GK5: variants seen among roughly 807,000 people sequenced by gnomAD.
GK5 encodes ATP:glycerol 3-phosphotransferase 5.
In GK5, 39 loss-of-function variants were observed where a neutral mutation model predicts 77.3. That is an observed-to-expected ratio of 0.50 (90% CI 0.39 to 0.66). The LOEUF is 0.66. Among genes scored for constraint, GK5 ranks in the 30% least tolerant of loss-of-function variants. The pLI is 0.00. For missense variants in GK5, 487 were observed against 633.8 expected, an observed-to-expected ratio of 0.77 and a Z score of 2.49; for synonymous variants, 211 against 208.0, an observed-to-expected ratio of 1.01 and a Z score of -0.13.
At chr3:142,215,575 T>G in intron 2 of GK5, 24 bp downstream of exon 2, 1 of 1,246,836 alleles carries the variant, frequency 8.0e-7, no homozygotes, top group Non-Finnish European at 1.1e-6. Flanking sequence ...TAAAGATTAT[T>G]GTTATTTTTA....
chr3:142,180,114 A>T (rs2063672842), intron 11 of GK5, among the ~76,000 whole-genome samples: 1 of 152,116 alleles, frequency 6.6e-6, no homozygotes, highest in African/African-American at 2.4e-5. Flanking sequence ...TAGCACAGGC[A>T]CATAAAACTG....
At chr3:142,209,229 A>C (rs1404642667) in intron 3 of GK5, among the ~76,000 whole-genome samples, 1 of 152,196 alleles carries the variant, frequency 6.6e-6, no homozygotes, top group Non-Finnish European at 1.5e-5. Context: ...TGAAGGCTTC[A>C]GAAATGGCAA....
chr3:142,180,950 C>T (rs1463260409), intron 11 of GK5, among the ~76,000 whole-genome samples: 1 of 152,168 alleles, frequency 6.6e-6, no homozygotes, highest in Non-Finnish European at 1.5e-5. Context: ...AAACCACCCC[C>T]CAGACTGACC....
At chr3:142,173,683 CAAAACAAAAACA>C (rs71153944) in intron 12 of GK5, among the ~76,000 whole-genome samples, 48 of 150,026 alleles carry the variant, frequency 3.2e-4, no homozygotes, top group South Asian at 1.7e-3. Flanking sequence ...GACTCCGTCT[CAAAACAAAAACA>C]AAAACAAAAA....
At chr3:142,213,081 A>G (rs2064217373) in intron 3 of GK5, among the ~76,000 whole-genome samples, 1 of 151,690 alleles carries the variant, frequency 6.6e-6, no homozygotes, top group Non-Finnish European at 1.5e-5. Flanking sequence ...TGATCCGCCC[A>G]CCTCGGCCTC....
intron 3 of GK5, among the ~76,000 whole-genome samples, chr3:142,207,050 T>C (rs1327897864): frequency 6.6e-6 from 1 of 152,172 alleles, no homozygotes; most frequent in Non-Finnish European, 1.5e-5. Context: ...CAATGCCAGG[T>C]TGGACTGCCA....
At position 142,186,921 on chromosome 3, in the gene GK5, G is replaced by A. The variant is rs564961869; in HGVS notation, c.620-408C>T. Among the ~76,000 whole-genome samples the A allele has an allele frequency of 8.8e-4, 134 of 152,104 alleles. 1 individual carries two copies. The highest frequency in any genetic ancestry group is 3.2e-3 in the African/African-American group (132 of 41,492). On this transcript the variant is annotated intron_variant, in intron 6 of 15. Coordinates refer to ENST00000392993, the MANE Select transcript of GK5 (RefSeq NM_001039547.3). ...ACTGGGATTACAGACGTAAACCACC[G>A]CACCTGGCCCAAAATGTGTATTTTC... is the stretch of plus-strand genomic sequence containing the variant.
Position 142,159,255 on chromosome 3 carries a change from A to G in GK5, c.*6367T>C, listed in dbSNP as rs1309224732. 7.4e-6 allele frequency: 1 copy of G among 135,424 alleles called. No homozygotes were observed. Among genetic ancestry groups the G allele is most frequent in the Non-Finnish European group, 1.7e-5 (1 of 58,618 alleles). The allele number at this position is 135,424 out of a possible 1,614,324, so 8.4% of individuals were successfully genotyped here. On this transcript the variant is annotated 3_prime_UTR_variant, in exon 16 of 16. Coordinates refer to ENST00000392993, the MANE Select transcript of GK5 (RefSeq NM_001039547.3). ...AGCATGCAGAGAAACTGGATCACTC[A>G]TACATTCCTGGTGGGAATGTAAGAT...
rs2063795281 is a variant in GK5, at chr3:142,187,931, G to C, written c.544-152C>G. 5 of 613,116 alleles carry C rather than the reference G, an allele frequency of 8.2e-6. No homozygotes were observed. The East Asian group carries it at 1.4e-4, about 17-fold the overall frequency. The allele number at this position is 613,116 out of a possible 1,614,324, so 38.0% of individuals were successfully genotyped here. ...TAGAATATATTCCAAATGGTTCTAA[G>C]TGATTATTATATAGGGCATGAGATC... is the stretch of plus-strand genomic sequence containing the variant. On this transcript the variant is annotated intron_variant, in intron 5 of 15. Transcript: ENST00000392993.
intron 3 of GK5, among the ~76,000 whole-genome samples, chr3:142,206,804 C>T (rs1169974955): frequency 1.3e-5 from 2 of 152,146 alleles, no homozygotes; most frequent in African/African-American, 4.8e-5. Flanking sequence ...GATCCACTAT[C>T]GTTAATTTTG....
chr3:142,200,229 C>T (rs190297553), intron 4 of GK5, among the ~76,000 whole-genome samples: 54 of 152,198 alleles, frequency 3.5e-4, no homozygotes, highest in Admixed American at 2.4e-3. Context: ...AGTGCAATGG[C>T]GCAATCTCAG....
intron 4 of GK5, among the ~76,000 whole-genome samples, chr3:142,200,354 G>A (rs1162187859): frequency 6.6e-6 from 1 of 152,116 alleles, no homozygotes; most frequent in Admixed American, 6.6e-5. Context: ...TTTTAGTAGA[G>A]ATGGGGTTTC....
At chr3:142,173,589 C>T (rs1354652909) in intron 12 of GK5, among the ~76,000 whole-genome samples, 1 of 152,158 alleles carries the variant, frequency 6.6e-6, no homozygotes, top group Non-Finnish European at 1.5e-5. Flanking sequence ...GAGGCTGAGG[C>T]AGGAGAATGG....
chr3:142,188,306 C>A (rs372357953), intron 5 of GK5, among the ~76,000 whole-genome samples: 1 of 151,940 alleles, frequency 6.6e-6, no homozygotes, highest in South Asian at 2.1e-4. Context: ...CCGAGGCGGG[C>A]GGATCATGAG....
intron 2 of GK5, among the ~76,000 whole-genome samples, 175 bp from the exon 3 acceptor site, chr3:142,213,776 A>AT (rs973296530): frequency 8.7e-5 from 13 of 150,150 alleles, no homozygotes; most frequent in East Asian, 3.9e-4. Flanking sequence ...ATTCTGCAGC[A>AT]TTTTTTTTTT....
chr3:142,215,539 G>C (rs1199270448), intron 2 of GK5, 60 bp downstream of exon 2: 1 of 850,842 alleles, frequency 1.2e-6, no homozygotes, highest in South Asian at 1.7e-5. Flanking sequence ...AGAAGCCTGA[G>C]GAAAACTATT....
Position 142,171,473 on chromosome 3 carries a change from T to C in GK5, c.1253A>G (p.Lys418Arg). The C allele has an allele frequency of 7.0e-7, 1 of 1,438,572 alleles. No homozygotes were observed. Among genetic ancestry groups the C allele is most frequent in the Non-Finnish European group, 9.3e-7 (1 of 1,069,826 alleles). The allele number at this position is 1,438,572 out of a possible 1,614,324, so 89.1% of individuals were successfully genotyped here. A position where few individuals can be genotyped will look rare whatever the true frequency, so the allele number is the denominator to read the frequency against. The change falls in exon 14 of 16, where the codon AAA (lysine) becomes AGA (arginine). Residue 418 changes from lysine (K) to arginine (R), a missense_variant. Lys to Arg is a conservative substitution (Grantham distance 26, BLOSUM62 2). Transcript: ENST00000392993. ...TTTCTTCATCATCTCATATAACTGT[T>C]TGTTTCTAGTTAAAAAACAAGATAA... is the stretch of plus-strand genomic sequence containing the variant. Reference protein sequence around the residue: ...AILESIAFRNKQLYEMMKKEI... With the variant: ...AILESIAFRNRQLYEMMKKEI...
chr3:142,173,169 C>G, intron 12 of GK5: 1 of 440,242 alleles, frequency 2.3e-6, no homozygotes. Context: ...TTACTGCACT[C>G]CAGCCTAGGT....
chr3:142,182,853 G>T, intron 10 of GK5, 70 bp downstream of exon 10: 2 of 1,049,442 alleles, frequency 1.9e-6, no homozygotes, highest in South Asian at 1.5e-5. Context: ...AATAGTATAA[G>T]TATCACAGAA....
Sources: allele counts gnomAD v4.1 joint callset (sites outside exome capture counted in the v4.1 genomes callset), GRCh38; gene constraint gnomAD v4.1.1; transcripts MANE v1.5; gene names NCBI Gene and HGNC (gene_info 2026-07-23, HGNC 2026-07-21).